Variants in UTRN observed in about 807,000 individuals in gnomAD.
The protein encoded by UTRN is utrophin.
Under a neutral mutation model 463.9 loss-of-function variants are expected in UTRN, and 283 were observed. That is an observed-to-expected ratio of 0.61 (90% CI 0.55 to 0.67). The LOEUF is 0.67. Ranked by LOEUF, UTRN falls within the 30% of genes least tolerant of loss-of-function variation. The probability of loss-of-function intolerance (pLI) is 0.00; values close to 1 mark genes in which losing one functional copy is unlikely to be tolerated. For missense variants in UTRN, 3,922 were observed against 4,084.3 expected (o/e 0.96, Z 1.08); for synonymous variants, 1,442 against 1,431.5 (o/e 1.01, Z -0.17).
At chr6:144,724,101 A>G (rs1787554414) in intron 53 of UTRN, among the ~76,000 whole-genome samples, 2 of 151,684 alleles carry the variant, frequency 1.3e-5, no homozygotes, top group African/African-American at 4.8e-5. Flanking sequence ...TTTTATTTTA[A>G]TAATAACCTT....
At chr6:144,622,285 C>A (rs944770662) in intron 51 of UTRN, among the ~76,000 whole-genome samples, 3 of 141,492 alleles carry the variant, frequency 2.1e-5, no homozygotes, top group Admixed American at 7.9e-5. Flanking sequence ...CAGGTTCATG[C>A]AATTAATTCT....
intron 51 of UTRN, among the ~76,000 whole-genome samples, chr6:144,579,143 T>C (rs1354318787): frequency 6.6e-6 from 1 of 152,214 alleles, no homozygotes; most frequent in Non-Finnish European, 1.5e-5. Flanking sequence ...GCAATACATT[T>C]TGTGACTTGG....
chr6:144,675,539 A>G (rs1338596433), intron 51 of UTRN, among the ~76,000 whole-genome samples: 5 of 151,984 alleles, frequency 3.3e-5, no homozygotes, highest in Non-Finnish European at 7.4e-5. Flanking sequence ...TCTTTGGAGC[A>G]GGGTTGTTCT....
intron 19 of UTRN, among the ~76,000 whole-genome samples, chr6:144,456,317 A>G (rs9496977): frequency 0.029 from 4,374 of 152,212 alleles, 199 homozygotes; most frequent in African/African-American, 0.099. Context: ...ATTTTACATA[A>G]GTTTTGAGGT....
intron 69 of UTRN, 94 bp downstream of exon 69, chr6:144,828,949 G>C: frequency 7.1e-7 from 1 of 1,407,244 alleles, no homozygotes; most frequent in Non-Finnish European, 9.9e-7. Context: ...TCTGAATCTT[G>C]ATCCCAATCA....
intron 65 of UTRN, among the ~76,000 whole-genome samples, chr6:144,809,150 CAT>C (rs1277340032): frequency 6.6e-6 from 1 of 152,088 alleles, no homozygotes; most frequent in Non-Finnish European, 1.5e-5. Context: ...TTAAATTTCA[CAT>C]GATTTATAAA....
At chr6:144,824,614 CTTTTT>C (rs34382974) in intron 66 of UTRN, among the ~76,000 whole-genome samples, 4 of 30,878 alleles carry the variant, frequency 1.3e-4, no homozygotes, top group African/African-American at 4.2e-4. Context: ...ATATATATAT[CTTTTT>C]TTTTTTTTTT....
At chr6:144,744,571 C>T (rs1244398392) in intron 54 of UTRN, among the ~76,000 whole-genome samples, 1 of 148,412 alleles carries the variant, frequency 6.7e-6, no homozygotes, top group Admixed American at 6.8e-5. Context: ...AATGGGAAGA[C>T]CCGAAGGGAG....
At chr6:144,442,702 A>T (rs1787295047) in intron 13 of UTRN, among the ~76,000 whole-genome samples, 3 of 152,292 alleles carry the variant, frequency 2.0e-5, no homozygotes, top group Admixed American at 2.0e-4. Context: ...CAGCATGGGA[A>T]AGATCTGCCC....
chr6:144,630,709 G>A (rs1208018098), intron 51 of UTRN, among the ~76,000 whole-genome samples: 1 of 152,108 alleles, frequency 6.6e-6, no homozygotes, highest in African/African-American at 2.4e-5. Context: ...GAATTGAGCT[G>A]GAGAGTTTGT....
At chr6:144,690,977 A>G (rs1783340653) in intron 52 of UTRN, among the ~76,000 whole-genome samples, 1 of 152,214 alleles carries the variant, frequency 6.6e-6, no homozygotes, top group Non-Finnish European at 1.5e-5. Flanking sequence ...CTTCTTGGAA[A>G]TAAGTTCACA....
intron 51 of UTRN, among the ~76,000 whole-genome samples, chr6:144,583,863 A>T (rs1370077006): frequency 2.0e-5 from 3 of 152,100 alleles, no homozygotes; most frequent in Admixed American, 2.0e-4. Flanking sequence ...AGAAAATATG[A>T]TGCAAAACTA....
intron 51 of UTRN, among the ~76,000 whole-genome samples, chr6:144,609,373 TATTA>T (rs1219724332): frequency 1.3e-5 from 2 of 152,132 alleles, no homozygotes; most frequent in African/African-American, 4.8e-5. Flanking sequence ...GATAAAAAGG[TATTA>T]ATTCACAGAC....
chr6:144,328,042 C>T (rs940266418), intron 2 of UTRN, among the ~76,000 whole-genome samples: 6 of 152,136 alleles, frequency 3.9e-5, no homozygotes, highest in African/African-American at 1.4e-4. Context: ...ACTAGGACAA[C>T]ACTGTGAGGG....
intron 51 of UTRN, among the ~76,000 whole-genome samples, chr6:144,674,219 ATT>A (rs35619240): frequency 6.8e-6 from 1 of 148,026 alleles, no homozygotes; most frequent in Non-Finnish European, 1.5e-5. Context: ...GTTTTCATTG[ATT>A]TTTTTTTTTC....
At chr6:144,352,435 G>A (rs1778187760) in intron 2 of UTRN, among the ~76,000 whole-genome samples, 1 of 152,180 alleles carries the variant, frequency 6.6e-6, no homozygotes, top group Admixed American at 6.5e-5. Context: ...ATTTCATAGT[G>A]ATGGTATTTA....
intron 2 of UTRN, among the ~76,000 whole-genome samples, chr6:144,347,797 A>C (rs1053324117): frequency 1.3e-5 from 2 of 148,324 alleles, no homozygotes; most frequent in African/African-American, 5.0e-5. Flanking sequence ...CCAGATGGGG[A>C]CACTCCTGGG....
At chr6:144,346,752 G>A (rs1266175485) in intron 2 of UTRN, among the ~76,000 whole-genome samples, 1 of 152,160 alleles carries the variant, frequency 6.6e-6, no homozygotes, top group African/African-American at 2.4e-5. Flanking sequence ...GAACCCGGGA[G>A]GCGGGGGTTG....
chr6:144,691,065 G>GA (rs1015633288), intron 52 of UTRN, among the ~76,000 whole-genome samples: 1 of 151,070 alleles, frequency 6.6e-6, no homozygotes, highest in East Asian at 1.9e-4. Context: ...AACATCTAGG[G>GA]AAAAAAAAAG....
Sources: allele counts gnomAD v4.1 joint callset (sites outside exome capture counted in the v4.1 genomes callset), GRCh38; gene constraint gnomAD v4.1.1; transcripts MANE v1.5; gene names NCBI Gene and HGNC (gene_info 2026-07-23, HGNC 2026-07-21).